GDPD2: variants seen among roughly 807,000 people sequenced by gnomAD.
GDPD2 encodes glycerophosphodiester phosphodiesterase 3.
GDPD2 carries 23 observed loss-of-function variants against 49.2 expected under a neutral mutation model. The ratio of observed to expected loss-of-function variants is 0.47; its 90% CI spans 0.34 to 0.66. The LOEUF (loss-of-function observed/expected upper bound fraction) is 0.66, where lower values mean the gene tolerates loss of function less well. Ranked by LOEUF, GDPD2 falls within the 30% of genes least tolerant of loss-of-function variation. The pLI, the probability that GDPD2 is intolerant of heterozygous loss-of-function variation, is 0.01. For synonymous variants in GDPD2, 167 were observed against 171.4 expected, an observed-to-expected ratio of 0.97 and a Z score of 0.20; for missense variants, 338 against 424.7, an observed-to-expected ratio of 0.80 and a Z score of 1.79.
rs201693582 is a variant in GDPD2, at chrX:70,429,962, A to C, written c.1206A>C (p.Ala402=). The C allele has an allele frequency of 5.8e-6, 7 of 1,208,454 alleles. No homozygotes were observed. The highest frequency in any genetic ancestry group is 5.6e-6 in the Non-Finnish European group (5 of 893,572). Residue 402 remains alanine (A), a synonymous_variant, in exon 12 of 16, where the codon GCA becomes GCC. Coordinates refer to ENST00000374382, the MANE Select transcript of GDPD2 (RefSeq NM_017711.4). ...DEDRANVQRR[A]PGMRQIYGRQ... The stretch of plus-strand genomic sequence containing the variant: ...ATCGGGCTAATGTCCAACGACGGGC[A>C]CCTGGAATGCGCCAGATATATGGAC...
chrX:70,426,883 C>T lies in GDPD2; in HGVS notation c.574C>T (p.Leu192=). ...IHRRGPKILL[L]LLFFGVVLVI... ...CCCCACAGGTCCCAAGATTCTGCTA[C>T]TGCTCCTATTTTTTGGAGTTGTCCT... The change falls in exon 8 of 16, where the codon CTG becomes TTG. Residue 192 remains leucine (L), a synonymous_variant. Coordinates refer to ENST00000374382, the MANE Select transcript of GDPD2 (RefSeq NM_017711.4). 8.3e-7 allele frequency: 1 copy of T among 1,210,757 alleles called. No individual in the cohort carries two copies. The highest frequency in any genetic ancestry group is 1.1e-6 in the Non-Finnish European group (1 of 894,475).
In GDPD2 at chrX:70,424,988, G is replaced by C. The variant is rs769551129; in HGVS notation, c.4G>C (p.Ala2Pro). 2.5e-6 allele frequency: 3 copies of C among 1,184,906 alleles called. No homozygotes were observed. The highest frequency in any genetic ancestry group is 3.4e-6 in the Non-Finnish European group (3 of 880,360). The change falls in exon 2 of 16, where the codon GCC becomes CCC. Residue 2 changes from alanine (A) to proline (P), a missense_variant. Around this residue, in one of 3 missense-constraint regions of GDPD2, gnomAD observed 75 missense variants for 67.6 expected, o/e 1.11. Coordinates refer to ENST00000374382, the MANE Select transcript of GDPD2 (RefSeq NM_017711.4). Reference protein sequence around the residue: MAESPGCCSVWA... With the variant: MPESPGCCSVWA... ...TCCCTTCCCCCAGGCCTTCACCATG[G>C]CCGAGTCCCCCGGCTGCTGCTCCGT...
At chrX:70,425,542 C>T in intron 3 of GDPD2, 85 bp downstream of exon 3, 1 of 648,372 alleles carries the variant, frequency 1.5e-6, no homozygotes, top group Admixed American at 2.2e-5. Flanking sequence ...CACTGTCAGT[C>T]ATCCCCCAGC....
In GDPD2 at chrX:70,426,945, C is replaced by T. The variant is rs2086430636; in HGVS notation, c.636C>T (p.Pro212=). The part of the protein sequence containing the change: ...IYLAPLCISS[P]CIMEPRDLPP... ...TGGCCCCCCTATGCATCTCCTCACCCTGCATCATGGAACCCAGAGACTTAC... is the reference window on the plus strand; with the variant it reads ...TGGCCCCCCTATGCATCTCCTCACCTTGCATCATGGAACCCAGAGACTTAC... Residue 212 remains proline, a synonymous_variant, in exon 8 of 16, where the codon CCC becomes CCT. Coordinates refer to ENST00000374382, the MANE Select transcript of GDPD2 (RefSeq NM_017711.4). The T allele has an allele frequency of 8.3e-7, 1 of 1,209,976 alleles. No individual in the cohort carries two copies. The highest frequency in any genetic ancestry group is 3.0e-5 in the East Asian group (1 of 33,824).
intron 3 of GDPD2, 31 bp from the exon 4 acceptor site, chrX:70,425,732 C>A (rs753131585): frequency 1.8e-5 from 16 of 898,596 alleles, no homozygotes; most frequent in Non-Finnish European, 2.5e-5. Flanking sequence ...CCCCTTCCCC[C>A]ACTTGGACAC....
At chrX:70,424,860 T>C in intron 1 of GDPD2, 116 bp from the exon 2 acceptor site, 1 of 476,858 alleles carries the variant, frequency 2.1e-6, no homozygotes, top group South Asian at 3.6e-5. Context: ...TGACCTCCGT[T>C]GCTGAGCAGC....
intron 12 of GDPD2, chrX:70,431,264 T>C (rs2086474365): frequency 2.1e-6 from 1 of 476,819 alleles, no homozygotes; most frequent in East Asian, 4.0e-5. Flanking sequence ...GAATTGGTAT[T>C]GAATACACTG....
At position 70,427,253 on chromosome X, in the gene GDPD2, G is replaced by A. The variant is rs781192635; in HGVS notation, c.785+34G>A. 5.0e-6 allele frequency: 6 copies of A among 1,198,138 alleles called. No homozygotes were observed. The African/African-American group carries it at 8.8e-5, about 18-fold the overall frequency. On this transcript the variant is annotated intron_variant, in intron 9 of 15. Transcript: ENST00000374382. Reference sequence around the variant, plus strand: ...AGCTGGGGCTTAGGGGATCTGGGGGGCTGAAGGACATGATGACCAGCCCCA... The same window carrying A: ...AGCTGGGGCTTAGGGGATCTGGGGGACTGAAGGACATGATGACCAGCCCCA...
At chrX:70,426,546 C>T in intron 6 of GDPD2, 77 bp downstream of exon 6, 1 of 1,050,898 alleles carries the variant, frequency 9.5e-7, no homozygotes, top group East Asian at 3.1e-5. Context: ...GCTCCTGTTC[C>T]CCCAAGACTG....
In GDPD2 at chrX:70,432,696, AC is replaced by A. The variant is rs767257712; in HGVS notation, c.1538+36del. On this transcript the variant is annotated intron_variant, in intron 14 of 15. Coordinates refer to ENST00000374382, the MANE Select transcript of GDPD2 (RefSeq NM_017711.4). ...TTGTGCCTCAGCTTTCTGGGTCCTT[AC>A]TTTCTCCAGGGCCCTGGTGATGAGG... 521 of 1,036,814 alleles carry A rather than the reference AC, an allele frequency of 5.0e-4. 1 individual carries two copies. Among genetic ancestry groups the A allele is most frequent in the Non-Finnish European group, 6.8e-4 (500 of 738,390 alleles). The allele number at this position is 1,036,814 out of a possible 1,213,427, so 85.4% of individuals were successfully genotyped here.
At chrX:70,427,073 C>T (rs1234573763) in intron 8 of GDPD2, 62 bp downstream of exon 8, 25 of 1,181,135 alleles carry the variant, frequency 2.1e-5, no homozygotes, top group Non-Finnish European at 2.8e-5. Flanking sequence ...CCATAGCGAC[C>T]AGGCCTGTGG....
Position 70,426,905 on chromosome X carries a change from T to C in GDPD2, c.596T>C (p.Val199Ala). ...CTACTGCTCCTATTTTTTGGAGTTG[T>C]CCTGGTCATCTACTTGGCCCCCCTA... is the stretch of plus-strand genomic sequence containing the variant. Reference protein sequence around the residue: ...ILLLLLFFGVVLVIYLAPLCI... With the variant: ...ILLLLLFFGVALVIYLAPLCI... Residue 199 changes from valine (V) to alanine (A), a missense_variant, in exon 8 of 16, where the codon GTC (valine) becomes GCC (alanine). This residue lies in a region of GDPD2 where 253 missense variants were observed against 330.4 expected (regional missense o/e 0.77). Transcript: ENST00000374382. The C allele has an allele frequency of 8.3e-7, 1 of 1,208,832 alleles. No individual in the cohort carries two copies. Among genetic ancestry groups the C allele is most frequent in the South Asian group, 1.8e-5 (1 of 56,918 alleles).
chrX:70,429,353 G>A, intron 10 of GDPD2, 140 bp from the exon 11 acceptor site: 1 of 457,936 alleles, frequency 2.2e-6, no homozygotes, highest in Non-Finnish European at 3.8e-6. Context: ...TCTGGAAGAA[G>A]GCCACAGTTT....
chrX:70,426,499 G>A (rs1460293049), intron 6 of GDPD2, 30 bp downstream of exon 6: 3 of 1,160,348 alleles, frequency 2.6e-6, no homozygotes, highest in Non-Finnish European at 1.2e-6. Context: ...TGTCTAGACG[G>A]GAGCCTTGGC....
chrX:70,432,219 G>A, intron 12 of GDPD2, 88 bp from the exon 13 acceptor site: 2 of 796,708 alleles, frequency 2.5e-6, no homozygotes, highest in Admixed American at 2.5e-5. Flanking sequence ...CAGTGGCACT[G>A]TAGATTCAAG....
chrX:70,429,034 A>C (rs765009668), intron 10 of GDPD2, among the ~76,000 whole-genome samples: 57 of 112,351 alleles, frequency 5.1e-4, no homozygotes, highest in Non-Finnish European at 8.3e-4. Flanking sequence ...TGCCCATGGC[A>C]GCGCTCAGCC....
intron 15 of GDPD2, 25 bp downstream of exon 15, chrX:70,432,965 A>C (rs1321142791): frequency 8.5e-7 from 1 of 1,176,811 alleles, no homozygotes; most frequent in Non-Finnish European, 1.2e-6. Context: ...CCCTCACCTC[A>C]TGTTTCTCCT....
chrX:70,431,877 A>C (rs1470243688), intron 12 of GDPD2, among the ~76,000 whole-genome samples: 1 of 112,049 alleles, frequency 8.9e-6, no homozygotes, highest in Non-Finnish European at 1.9e-5. Flanking sequence ...AGGCTGGTCC[A>C]AGCCCATCTG....
In GDPD2 at chrX:70,430,009, A is replaced by C; in HGVS notation, c.1253A>C (p.Glu418Ala). The stretch of plus-strand genomic sequence containing the variant: ...GGACGTCAGGGAGGCAACAGAACGG[A>C]GAGGCCCCAGTTTCTTAACCTCCCC... ...IYGRQGGNRTERPQFLNLPYQ... is the reference protein window; with the variant it reads ...IYGRQGGNRTARPQFLNLPYQ... Residue 418 changes from glutamate to alanine, a missense_variant, in exon 12 of 16, where the codon GAG becomes GCG. Around this residue, in one of 3 missense-constraint regions of GDPD2, gnomAD observed 253 missense variants for 330.4 expected, o/e 0.77. Transcript: ENST00000374382. The C allele has an allele frequency of 2.5e-6, 3 of 1,210,277 alleles. No homozygotes were observed. The highest frequency in any genetic ancestry group is 3.4e-6 in the Non-Finnish European group (3 of 894,118).
Sources: gnomAD v4.1 joint callset for allele counts (sites outside exome capture counted in the v4.1 genomes callset) on GRCh38, gnomAD v4.1.1 for gene constraint, gnomAD v4.1.1 regional missense constraint, MANE v1.5 for transcripts, NCBI Gene and HGNC (gene_info 2026-07-23, HGNC 2026-07-21) for gene names.